Variants in ZNF407 observed in about 807,000 individuals in gnomAD.
ZNF407 encodes zinc finger protein 407.
A neutral mutation model predicts 131.2 loss-of-function variants in ZNF407; 17 were observed. The observed-to-expected ratio is 0.13, with a 90% confidence interval of 0.09 to 0.19. The LOEUF (loss-of-function observed/expected upper bound fraction) is 0.19. Among genes scored for constraint, ZNF407 ranks in the 10% least tolerant of loss-of-function variants. The pLI, the probability that ZNF407 is intolerant of heterozygous loss-of-function variation, is 1.00. For missense variants in ZNF407, 2,681 were observed against 2,830.6 expected, an observed-to-expected ratio of 0.95 and a Z score of 1.20; for synonymous variants, 1,156 against 1,062.0, an observed-to-expected ratio of 1.09 and a Z score of -1.72.
Position 74,631,446 on chromosome 18 carries a change from G to T in ZNF407, c.427G>T (p.Val143Phe), listed in dbSNP as rs200158544. The T allele has an allele frequency of 3.2e-3, 5,120 of 1,613,954 alleles. 10 individuals carry two copies. Among genetic ancestry groups the T allele is most frequent in the Middle Eastern group, 3.5e-3 (21 of 6,062 alleles). ...PSCNFSTIDV[V>F]SLKTDTEKTS... The stretch of plus-strand genomic sequence containing the variant: ...TTGCAATTTTAGCACTATTGATGTT[G>T]TTTCTCTGAAAACAGACACTGAAAA... The change falls in exon 2 of 9, where the codon GTT becomes TTT. Residue 143 changes from valine (V) to phenylalanine (F), a missense_variant. This residue lies in a region of ZNF407 where 1,789 missense variants were observed against 1,748.7 expected (regional missense o/e 1.02). Transcript: ENST00000299687.
chr18:74,681,614 A>G (rs1265033741), intron 3 of ZNF407, among the ~76,000 whole-genome samples: 2 of 152,200 alleles, frequency 1.3e-5, no homozygotes, highest in Non-Finnish European at 2.9e-5. Flanking sequence ...GATTTGTACG[A>G]TGTCTTTACA....
intron 8 of ZNF407, among the ~76,000 whole-genome samples, chr18:75,049,533 T>C (rs142098395): frequency 0.016 from 2,502 of 152,308 alleles, 63 homozygotes; most frequent in African/African-American, 0.052. Context: ...GAGTCCTCTT[T>C]GCAGCATCTC....
intron 3 of ZNF407, among the ~76,000 whole-genome samples, chr18:74,745,952 A>T (rs1374769149): frequency 3.9e-5 from 6 of 152,168 alleles, no homozygotes; most frequent in Non-Finnish European, 7.4e-5. Context: ...ACTTAAATAC[A>T]GTCATGTGCT....
At chr18:74,758,264 T>C (rs1201637108) in intron 3 of ZNF407, among the ~76,000 whole-genome samples, 1 of 152,186 alleles carries the variant, frequency 6.6e-6, no homozygotes, top group East Asian at 1.9e-4. Flanking sequence ...TTTTCTTATT[T>C]ATATTTTTAC....
In ZNF407 at chr18:74,619,158, A is replaced by C. The variant is rs1251060952; in HGVS notation, c.-53-11809A>C. ...AACAAAACCCAAATCCATTATTAAGATACTTTTTTCTACTTTTTGAGTGTT... is the reference window on the plus strand; with the variant it reads ...AACAAAACCCAAATCCATTATTAAGCTACTTTTTTCTACTTTTTGAGTGTT... On this transcript the variant is annotated intron_variant, in intron 1 of 8. Coordinates refer to ENST00000299687, the MANE Select transcript of ZNF407 (RefSeq NM_017757.3). Among the ~76,000 whole-genome samples, 3 of 152,264 alleles carry C rather than the reference A, an allele frequency of 2.0e-5. No homozygotes were observed. In the East Asian group the frequency reaches 5.8e-4, roughly 29 times the overall value.
rs7232213 is a variant in ZNF407, at chr18:75,030,060, T to C, written c.5429-33090T>C. ...GTATATATAGTCCAATTAAGAGTTA[T>C]ATAAAACAAGTTTTCCTGGGAGGAA... On this transcript the variant is annotated intron_variant, in intron 8 of 8. Coordinates refer to ENST00000299687, the MANE Select transcript of ZNF407 (RefSeq NM_017757.3). 7.9e-3 allele frequency among the ~76,000 whole-genome samples: 1,208 copies of C among 152,292 alleles called. 8 individuals carry two copies. Among genetic ancestry groups the C allele is most frequent in the African/African-American group, 0.021 (884 of 41,548 alleles).
intron 1 of ZNF407, among the ~76,000 whole-genome samples, chr18:74,615,575 A>T (rs1470736454): frequency 6.6e-6 from 1 of 152,226 alleles, no homozygotes; most frequent in African/African-American, 2.4e-5. Context: ...AGGGCATTAA[A>T]TTCTTGTTGG....
rs746378777 is a variant in ZNF407, at chr18:74,631,138, T to A, written c.119T>A (p.Ile40Lys). Residue 40 changes from isoleucine (I) to lysine (K), a missense_variant, in exon 2 of 9, where the codon ATA (isoleucine) becomes AAA (lysine). Around this residue, in one of 6 missense-constraint regions of ZNF407, gnomAD observed 1,789 missense variants for 1,748.7 expected, o/e 1.02. Transcript: ENST00000299687. Reference sequence around the variant, plus strand: ...GACGGTGGGCCTGTATCTGATGTGATAGCAAGTTTCCCTGAGAATTCTATG... The same window carrying A: ...GACGGTGGGCCTGTATCTGATGTGAAAGCAAGTTTCCCTGAGAATTCTATG... ...NEDGGPVSDVIASFPENSMGK... is the reference protein window; with the variant it reads ...NEDGGPVSDVKASFPENSMGK... The A allele has an allele frequency of 1.2e-6, 2 of 1,613,940 alleles. No homozygotes were observed. Among genetic ancestry groups the A allele is most frequent in the South Asian group, 2.2e-5 (2 of 91,080 alleles).
intron 1 of ZNF407, among the ~76,000 whole-genome samples, chr18:74,615,292 G>T (rs1983237789): frequency 6.6e-6 from 1 of 152,234 alleles, no homozygotes; most frequent in Non-Finnish European, 1.5e-5. Context: ...AGATCACGAG[G>T]TCAAGAGATC....
At chr18:74,961,976 G>A (rs535748083) in intron 8 of ZNF407, among the ~76,000 whole-genome samples, 10 of 152,226 alleles carry the variant, frequency 6.6e-5, no homozygotes, top group Admixed American at 3.9e-4. Context: ...AGAAAAATAC[G>A]TTCATTAGGT....
chr18:74,605,055 T>C (rs1479628858), intron 1 of ZNF407, among the ~76,000 whole-genome samples: 1 of 152,200 alleles, frequency 6.6e-6, no homozygotes, highest in African/African-American at 2.4e-5. Context: ...CTAATTTTCA[T>C]GTATCAGGGA....
intron 3 of ZNF407, among the ~76,000 whole-genome samples, chr18:74,658,689 T>C (rs903533971): frequency 6.6e-6 from 1 of 152,214 alleles, no homozygotes; most frequent in African/African-American, 2.4e-5. Context: ...TTAATTAGAA[T>C]AACTCTAAGA....
intron 8 of ZNF407, among the ~76,000 whole-genome samples, chr18:75,035,758 C>T (rs74319072): frequency 2.2e-3 from 327 of 152,038 alleles, no homozygotes; most frequent in African/African-American, 7.0e-3. Context: ...GCATTGCGTC[C>T]GCCTCGCCTC....
At chr18:74,684,491 G>A (rs996649692) in intron 3 of ZNF407, among the ~76,000 whole-genome samples, 3 of 152,192 alleles carry the variant, frequency 2.0e-5, no homozygotes, top group African/African-American at 7.2e-5. Flanking sequence ...GCTACTGTCC[G>A]GTATTCCCAA....
chr18:74,600,412 C>T (rs1182150359), intron 1 of ZNF407, among the ~76,000 whole-genome samples: 2 of 152,202 alleles, frequency 1.3e-5, no homozygotes, highest in African/African-American at 4.8e-5. Flanking sequence ...TCTTCTACCA[C>T]TGAAAAATCT....
chr18:74,744,296 C>T (rs1249448322), intron 3 of ZNF407, among the ~76,000 whole-genome samples: 1 of 152,180 alleles, frequency 6.6e-6, no homozygotes, highest in East Asian at 1.9e-4. Context: ...GAAGGGACGT[C>T]CTCTGATGCC....
intron 3 of ZNF407, among the ~76,000 whole-genome samples, chr18:74,770,168 A>T (rs1156998550): frequency 6.6e-6 from 1 of 152,198 alleles, no homozygotes; most frequent in African/African-American, 2.4e-5. Context: ...TGGGAGTCTG[A>T]ATTGGGAGGA....
intron 8 of ZNF407, among the ~76,000 whole-genome samples, chr18:75,017,948 G>A (rs1973064622): frequency 6.6e-6 from 1 of 152,068 alleles, no homozygotes; most frequent in African/African-American, 2.4e-5. Context: ...TCTAGCAAAA[G>A]GTCCACTAAG....
At chr18:74,610,924 CA>C (rs1170130913) in intron 1 of ZNF407, among the ~76,000 whole-genome samples, 1 of 152,192 alleles carries the variant, frequency 6.6e-6, no homozygotes, top group Non-Finnish European at 1.5e-5. Context: ...CTACAGTTTG[CA>C]AATAACCTTC....
Sources: allele counts gnomAD v4.1 joint callset (sites outside exome capture counted in the v4.1 genomes callset), GRCh38; gene constraint gnomAD v4.1.1; regional missense constraint gnomAD v4.1.1; transcripts MANE v1.5; gene names NCBI Gene and HGNC (gene_info 2026-07-23, HGNC 2026-07-21).